The following VPS35L variants were observed in gnomAD, a reference collection of about 807,000 sequenced individuals.
VPS35L encodes the protein VPS35 endosomal protein sorting factor like.
A neutral mutation model predicts 133.0 loss-of-function variants in VPS35L; 83 were observed. The ratio of observed to expected loss-of-function variants is 0.62; its 90% CI spans 0.52 to 0.75. The LOEUF is 0.75. Among genes scored for constraint, VPS35L ranks in the 30% least tolerant of loss-of-function variants. The pLI is 0.00. For synonymous variants in VPS35L, 423 were observed against 449.9 expected (o/e 0.94, Z 0.76); for missense variants, 1,083 against 1,206.8 (o/e 0.90, Z 1.52).
chr16:19,616,767 A>G lies in VPS35L; in HGVS notation c.1183A>G (p.Met395Val), dbSNP rs781368564. ...PSYLPLYPPA[M>V]DWIFQCISYH... Reference sequence around the variant, plus strand: ...TTACCTCCCCTTGTACCCGCCTGCCATGGACTGGATCTTCCAGTGCATCTC... The same window carrying G: ...TTACCTCCCCTTGTACCCGCCTGCCGTGGACTGGATCTTCCAGTGCATCTC... Residue 395 changes from methionine (M) to valine (V), a missense_variant, in exon 14 of 31, where the codon ATG (methionine) becomes GTG (valine). Coordinates refer to ENST00000417362, the MANE Select transcript of VPS35L (RefSeq NM_020314.7). 6 of 1,614,146 alleles carry G rather than the reference A, an allele frequency of 3.7e-6. No individual in the cohort carries two copies. Among genetic ancestry groups the G allele is most frequent in the South Asian group, 3.3e-5 (3 of 91,076 alleles).
intron 8 of VPS35L, among the ~76,000 whole-genome samples, chr16:19,601,270 TAA>T (rs1972374116): frequency 6.6e-6 from 1 of 152,140 alleles, no homozygotes; most frequent in African/African-American, 2.4e-5. Flanking sequence ...CAAAAAATGT[TAA>T]AACACTTTGT....
intron 1 of VPS35L, among the ~76,000 whole-genome samples, chr16:19,560,497 A>G (rs2151497277): frequency 6.6e-6 from 1 of 152,264 alleles, no homozygotes; most frequent in Non-Finnish European, 1.5e-5. Flanking sequence ...CAACAGATAA[A>G]ATTAAGAGTC....
chr16:19,691,382 G>A lies in VPS35L; in HGVS notation c.2557G>A (p.Asp853Asn), dbSNP rs1265194684. ...VDSNDSLYGG[D>N]SKFLAENNKL... ...CTCCAACGACAGCCTCTACGGGGGA[G>A]ACTCCAAGTTCCTGGCAGAAAACAA... The change falls in exon 29 of 31, where the codon GAC (aspartate) becomes AAC (asparagine). Residue 853 changes from aspartate (D) to asparagine (N), a missense_variant. Asp to Asn is a conservative substitution (Grantham distance 23). Transcript: ENST00000417362. The A allele has an allele frequency of 6.2e-7, 1 of 1,613,780 alleles. No homozygotes were observed. Among genetic ancestry groups the A allele is most frequent in the Non-Finnish European group, 8.5e-7 (1 of 1,179,850 alleles).
At position 19,628,735 on chromosome 16, in the gene VPS35L, T is replaced by G. The variant is rs780710495; in HGVS notation, c.1482T>G (p.Thr494=). Residue 494 remains threonine (T), a synonymous_variant, in exon 17 of 31, where the codon ACT becomes ACG. Coordinates refer to ENST00000417362, the MANE Select transcript of VPS35L (RefSeq NM_020314.7). ...TCAACGAAGCTTGGAAAGTCATCACTAAGCTGAAGAACCCACAGGTGAGTG... is the reference window on the plus strand; with the variant it reads ...TCAACGAAGCTTGGAAAGTCATCACGAAGCTGAAGAACCCACAGGTGAGTG... ...QILNEAWKVI[T]KLKNPQDYIN... 7.7e-6 allele frequency: 12 copies of G among 1,565,800 alleles called. No individual in the cohort carries two copies. The Admixed American group carries it at 1.9e-4, about 25-fold the overall frequency.
chr16:19,668,379 C>T (rs1161310968), intron 26 of VPS35L, among the ~76,000 whole-genome samples: 7 of 152,112 alleles, frequency 4.6e-5, no homozygotes, highest in Non-Finnish European at 7.4e-5. Flanking sequence ...ACTCCCTCTC[C>T]GTCTTCCCCT....
At chr16:19,663,002 TAA>T (rs1197349077) in intron 26 of VPS35L, among the ~76,000 whole-genome samples, 59 of 151,634 alleles carry the variant, frequency 3.9e-4, no homozygotes, top group African/African-American at 1.4e-3. Flanking sequence ...AAAAAAATAA[TAA>T]TAATTATAAT....
chr16:19,700,267 T>G (rs1352932992), intron 30 of VPS35L, 111 bp from the exon 31 acceptor site: 12 of 913,792 alleles, frequency 1.3e-5, no homozygotes, highest in Middle Eastern at 2.2e-4. Flanking sequence ...CTCAAAAAAC[T>G]CACTCTTCTC....
intron 27 of VPS35L, among the ~76,000 whole-genome samples, chr16:19,678,543 T>A (rs1325802559): frequency 6.6e-6 from 1 of 151,810 alleles, no homozygotes; most frequent in Admixed American, 6.6e-5. Context: ...AGTGGCACGA[T>A]CTCGGCTCAC....
In VPS35L at chr16:19,680,815, T is replaced by C. The variant is rs182460666; in HGVS notation, c.2362-1410T>C. ...GTCCCAGCACCTCAGGAGGCTGAGGTGGAAGATCGCTTGAGCTCAGAGTCA... is the reference window on the plus strand; with the variant it reads ...GTCCCAGCACCTCAGGAGGCTGAGGCGGAAGATCGCTTGAGCTCAGAGTCA... On this transcript the variant is annotated intron_variant, in intron 27 of 30. Transcript: ENST00000417362. Among the ~76,000 whole-genome samples, 117 of 151,606 alleles carry C rather than the reference T, an allele frequency of 7.7e-4. No individual in the cohort carries two copies. In the Middle Eastern group the frequency reaches 0.01, roughly 13 times the overall value.
intron 7 of VPS35L, chr16:19,587,354 G>T (rs1473511199): frequency 2.2e-6 from 1 of 453,426 alleles, no homozygotes; most frequent in Non-Finnish European, 4.4e-6. Context: ...CCAAGGCTGG[G>T]CGTGGTGGCT....
At chr16:19,623,630 G>A (rs181291388) in intron 14 of VPS35L, among the ~76,000 whole-genome samples, 2 of 151,952 alleles carry the variant, frequency 1.3e-5, no homozygotes, top group Non-Finnish European at 2.9e-5. Context: ...CACTTATTCA[G>A]GCAACATGAC....
At chr16:19,558,818 G>C (rs1052858690) in intron 1 of VPS35L, among the ~76,000 whole-genome samples, 8 of 151,614 alleles carry the variant, frequency 5.3e-5, no homozygotes, top group Non-Finnish European at 1.0e-4. Flanking sequence ...AGCTAGTCCA[G>C]AGGCTGAGGC....
chr16:19,616,905 A>G, intron 14 of VPS35L, 97 bp downstream of exon 14: 6 of 1,543,486 alleles, frequency 3.9e-6, no homozygotes, highest in Non-Finnish European at 5.3e-6. Context: ...CTTTCATAAC[A>G]GCTATAGCAA....
intron 7 of VPS35L, among the ~76,000 whole-genome samples, chr16:19,588,866 T>C (rs1013741236): frequency 3.3e-5 from 5 of 152,228 alleles, no homozygotes; most frequent in African/African-American, 7.2e-5. Context: ...TTATTTTCCA[T>C]AGTAGCTGTG....
At chr16:19,665,585 G>A (rs549322160) in intron 26 of VPS35L, among the ~76,000 whole-genome samples, 3 of 152,224 alleles carry the variant, frequency 2.0e-5, no homozygotes, top group South Asian at 2.1e-4. Context: ...GTCTGTTGAC[G>A]GACACTTAGA....
At chr16:19,582,326 C>T (rs1185979295) in intron 7 of VPS35L, among the ~76,000 whole-genome samples, 1 of 152,150 alleles carries the variant, frequency 6.6e-6, no homozygotes, top group Non-Finnish European at 1.5e-5. Flanking sequence ...GCAGAGTCTA[C>T]AAAGGATTTC....
Position 19,691,422 on chromosome 16 carries a change from C to T in VPS35L, c.2597C>T (p.Thr866Met), listed in dbSNP as rs141552703. 5.8e-4 allele frequency: 944 copies of T among 1,614,022 alleles called. 1 individual carries two copies. Among genetic ancestry groups the T allele is most frequent in the Middle Eastern group, 4.8e-3 (29 of 6,062 alleles). The change falls in exon 29 of 31, where the codon ACG becomes ATG. Residue 866 changes from threonine to methionine, a missense_variant. By Grantham distance (81) the Thr-to-Met change is moderately conservative. Transcript: ENST00000417362. Reference sequence around the variant, plus strand: ...GCAGAAAACAACAAGCTGTGTGAGACGGTGATGGCTCAGATCCTAGAGCAT... The same window carrying T: ...GCAGAAAACAACAAGCTGTGTGAGATGGTGATGGCTCAGATCCTAGAGCAT... ...FLAENNKLCE[T>M]VMAQILEHLK...
chr16:19,699,725 G>A lies in VPS35L; in HGVS notation c.2793+77G>A. 1.9e-6 allele frequency: 3 copies of A among 1,573,100 alleles called. No homozygotes were observed. In the Admixed American group the frequency reaches 5.1e-5, roughly 27 times the overall value. The stretch of plus-strand genomic sequence containing the variant: ...CACCCTCAACACAGCATTGTGGCCT[G>A]GACATCAGACAGACAACCCCATACT... On this transcript the variant is annotated intron_variant, in intron 30 of 30. Transcript: ENST00000417362. This position sits in a 1 kb window ranked among gnomAD's most constrained non-coding sequence, Gnocchi z 4.2.
rs140163660 is a variant in VPS35L, at chr16:19,700,470, G to C, written c.2886G>C (p.Arg962Ser). The stretch of plus-strand genomic sequence containing the variant: ...CCCTCAGACTCCCTCTGCAAACAAG[G>C]ACCTGACCCCCGGGCCCATCCCCAG... ...ELALRLPLQT[R>S]T The change falls in exon 31 of 31, where the codon AGG (arginine) becomes AGC (serine). Residue 962 changes from arginine (R) to serine (S), a missense_variant. Transcript: ENST00000417362. 1,246 of 1,613,928 alleles carry C rather than the reference G, an allele frequency of 7.7e-4. 2 individuals are homozygous for C. The highest frequency in any genetic ancestry group is 9.4e-4 in the Non-Finnish European group (1,106 of 1,179,788).
Sources: allele counts gnomAD v4.1 joint callset (sites outside exome capture counted in the v4.1 genomes callset), GRCh38; gene constraint gnomAD v4.1.1; non-coding constraint Gnocchi (gnomAD v3.1); transcripts MANE v1.5; gene names NCBI Gene and HGNC (gene_info 2026-07-23, HGNC 2026-07-21).